INSYN2B: variants seen among roughly 807,000 people sequenced by gnomAD.
The protein encoded by INSYN2B is inhibitory synaptic factor family member 2B, also known as protein INSYN2B.
A neutral mutation model predicts 41.2 loss-of-function variants in INSYN2B; 16 were observed. The ratio of observed to expected loss-of-function variants is 0.39; its 90% CI spans 0.26 to 0.59. The LOEUF (loss-of-function observed/expected upper bound fraction) is 0.59. Ranked by LOEUF, INSYN2B falls within the 20% of genes least tolerant of loss-of-function variation. The pLI is 0.57. For synonymous variants in INSYN2B, 245 were observed against 244.4 expected (o/e 1.00, Z -0.02); for missense variants, 608 against 646.4 (o/e 0.94, Z 0.64).
At chr5:169,902,288 G>A (rs1349419872) in intron 1 of INSYN2B, among the ~76,000 whole-genome samples, 1 of 152,202 alleles carries the variant, frequency 6.6e-6, no homozygotes, top group Non-Finnish European at 1.5e-5. Context: ...GCATCACTTG[G>A]TGGTGACTGT....
Position 169,896,104 on chromosome 5 carries a change from G to T in INSYN2B, c.-918-11288C>A, listed in dbSNP as rs1379713191. Among the ~76,000 whole-genome samples the T allele has an allele frequency of 2.0e-5, 3 of 152,218 alleles. No individual in the cohort carries two copies. In the East Asian group the frequency reaches 5.8e-4, roughly 29 times the overall value. On this transcript the variant is annotated intron_variant, in intron 1 of 3. Coordinates refer to ENST00000377365, the MANE Select transcript of INSYN2B (RefSeq NM_001129891.3). ...TCTGAGCCTGATTGGCTGCACTGGG[G>T]CACAGGGATTGGAAGGAGCTCCCAG...
At chr5:169,941,435 G>A (rs1354487257) in intron 1 of INSYN2B, among the ~76,000 whole-genome samples, 1 of 152,162 alleles carries the variant, frequency 6.6e-6, no homozygotes, top group East Asian at 1.9e-4. Flanking sequence ...CTGTCTGAAG[G>A]CAGAGGGCAG....
Position 169,883,537 on chromosome 5 carries a change from A to G in INSYN2B, c.362T>C (p.Leu121Pro). 2 of 1,551,676 alleles carry G rather than the reference A, an allele frequency of 1.3e-6. No individual in the cohort carries two copies. The highest frequency in any genetic ancestry group is 1.7e-6 in the Non-Finnish European group (2 of 1,146,974). Residue 121 changes from leucine (L) to proline (P), a missense_variant, in exon 2 of 4, where the codon CTG becomes CCG. Coordinates refer to ENST00000377365, the MANE Select transcript of INSYN2B (RefSeq NM_001129891.3). ...KRKRLTASKS[L>P]VEMPTASQSA... ...TTGGGAGGCTGTTGGCATTTCCACC[A>G]GGGACTTACTGGCTGTGAGTCTCTT... is the stretch of plus-strand genomic sequence containing the variant.
intron 1 of INSYN2B, among the ~76,000 whole-genome samples, chr5:169,952,079 G>A (rs965954379): frequency 2.0e-5 from 3 of 152,166 alleles, no homozygotes; most frequent in African/African-American, 7.2e-5. Flanking sequence ...AGCCCCAAGG[G>A]TTTCTCCTAC....
chr5:169,933,211 T>C (rs1166024862), intron 1 of INSYN2B, among the ~76,000 whole-genome samples: 1 of 152,220 alleles, frequency 6.6e-6, no homozygotes, highest in Non-Finnish European at 1.5e-5. Flanking sequence ...TATGTCACCA[T>C]GGAAATCAGG....
At chr5:169,865,943 G>A (rs1272279010) in intron 3 of INSYN2B, among the ~76,000 whole-genome samples, 1 of 152,224 alleles carries the variant, frequency 6.6e-6, no homozygotes, top group East Asian at 1.9e-4. Context: ...AAGGCATGTT[G>A]CCGTTGCCAT....
chr5:169,949,370 G>C (rs147073393), intron 1 of INSYN2B, among the ~76,000 whole-genome samples: 13 of 152,284 alleles, frequency 8.5e-5, no homozygotes, highest in Middle Eastern at 3.4e-3. Flanking sequence ...TGAGAGGAGA[G>C]ATCCCATTCC....
At position 169,905,293 on chromosome 5, in the gene INSYN2B, G is replaced by GTT. The variant is rs35677067; in HGVS notation, c.-918-20479_-918-20478dup. ...CAGGAGCAGTACTGTTAGAGCCAGT[G>GTT]TTTTTTTTTTTTTTCAGGAGAAGCC... On this transcript the variant is annotated intron_variant, in intron 1 of 3. Transcript: ENST00000377365. 9.9e-3 allele frequency among the ~76,000 whole-genome samples: 1,448 copies of GTT among 146,014 alleles called. 10 individuals are homozygous for GTT. Among genetic ancestry groups the GTT allele is most frequent in the South Asian group, 0.015 (68 of 4,600 alleles).
chr5:169,865,530 T>C (rs1236593533), intron 3 of INSYN2B, among the ~76,000 whole-genome samples: 1 of 152,216 alleles, frequency 6.6e-6, no homozygotes, highest in East Asian at 1.9e-4. Context: ...GGGTTCCCTC[T>C]GTCCTTAATT....
chr5:169,895,103 C>A (rs1164312091), intron 1 of INSYN2B, among the ~76,000 whole-genome samples: 1 of 152,290 alleles, frequency 6.6e-6, no homozygotes, highest in East Asian at 1.9e-4. Context: ...GAAGCCCCAT[C>A]CACCTCCCAT....
intron 1 of INSYN2B, among the ~76,000 whole-genome samples, chr5:169,936,516 A>G (rs1213203019): frequency 6.7e-6 from 1 of 150,340 alleles, no homozygotes; most frequent in East Asian, 2.0e-4. Flanking sequence ...AAACACATCT[A>G]TTCTATCCTG....
At chr5:169,932,174 C>T (rs888705579) in intron 1 of INSYN2B, among the ~76,000 whole-genome samples, 3 of 152,284 alleles carry the variant, frequency 2.0e-5, no homozygotes, top group East Asian at 1.9e-4. Flanking sequence ...TTAACATCAA[C>T]GGTGAGTATC....
chr5:169,947,021 G>A (rs1776480709), intron 1 of INSYN2B, among the ~76,000 whole-genome samples: 1 of 152,182 alleles, frequency 6.6e-6, no homozygotes, highest in Non-Finnish European at 1.5e-5. Context: ...TACCCATGCT[G>A]GAGTGAGTTT....
intron 1 of INSYN2B, among the ~76,000 whole-genome samples, chr5:169,978,833 T>G (rs1043168490): frequency 6.6e-6 from 1 of 152,174 alleles, no homozygotes; most frequent in Non-Finnish European, 1.5e-5. Context: ...ATTGCACTTA[T>G]TTTTACACGT....
chr5:169,863,027 CT>C lies in INSYN2B; in HGVS notation c.*1245del. 6.6e-6 allele frequency among the ~76,000 whole-genome samples: 1 copy of C among 152,198 alleles called. No homozygotes were observed. The highest frequency in any genetic ancestry group is 1.9e-4 in the East Asian group (1 of 5,200). On this transcript the variant is annotated 3_prime_UTR_variant, in exon 4 of 4. Coordinates refer to ENST00000377365, the MANE Select transcript of INSYN2B (RefSeq NM_001129891.3). ...CAGAAGGAATCTGAGCCTTTCCATCCTACCCCTCATCCACAAGAGTATATAG... is the reference window on the plus strand; with the variant it reads ...CAGAAGGAATCTGAGCCTTTCCATCCACCCCTCATCCACAAGAGTATATAG...
chr5:169,929,262 G>A (rs1422858720), intron 1 of INSYN2B, among the ~76,000 whole-genome samples: 1 of 152,138 alleles, frequency 6.6e-6, no homozygotes, highest in Non-Finnish European at 1.5e-5. Context: ...CACCATCCTT[G>A]GCCATATGGT....
At chr5:169,974,336 C>T (rs1777636248) in intron 1 of INSYN2B, among the ~76,000 whole-genome samples, 1 of 152,206 alleles carries the variant, frequency 6.6e-6, no homozygotes, top group Admixed American at 6.5e-5. Flanking sequence ...TTAACAGCGT[C>T]TAACACATAA....
intron 1 of INSYN2B, among the ~76,000 whole-genome samples, chr5:169,935,572 T>G (rs1434640192): frequency 6.6e-6 from 1 of 152,190 alleles, no homozygotes; most frequent in South Asian, 2.1e-4. Context: ...CACCAAGACA[T>G]GCTGGTGGAG....
chr5:169,881,274 C>T (rs982641958), intron 3 of INSYN2B, 94 bp downstream of exon 3: 8 of 1,045,872 alleles, frequency 7.6e-6, no homozygotes, highest in Admixed American at 6.7e-5. Flanking sequence ...GTTTTTGCCT[C>T]TCTTGACTTT....
Sources: gnomAD v4.1 joint callset for allele counts (sites outside exome capture counted in the v4.1 genomes callset) on GRCh38, gnomAD v4.1.1 for gene constraint, MANE v1.5 for transcripts, NCBI Gene and HGNC (gene_info 2026-07-23, HGNC 2026-07-21) for gene names.